Variants in CDKAL1 observed in about 807,000 individuals in gnomAD.
The protein encoded by CDKAL1 is threonylcarbamoyladenosine tRNA methylthiotransferase.
CDKAL1 carries 32 observed loss-of-function variants against 68.2 expected under a neutral mutation model. That is an observed-to-expected ratio of 0.47 (90% confidence interval 0.35 to 0.63). The LOEUF is 0.63. Ranked by LOEUF, CDKAL1 falls within the 30% of genes least tolerant of loss-of-function variation. The pLI, the probability that CDKAL1 is intolerant of heterozygous loss-of-function variation, is 0.00. For missense variants in CDKAL1, 606 were observed against 696.7 expected (o/e 0.87, Z 1.47); for synonymous variants, 234 against 244.3 (o/e 0.96, Z 0.39).
chr6:20,616,163 A>T (rs971538051), intron 4 of CDKAL1, among the ~76,000 whole-genome samples: 1 of 151,880 alleles, frequency 6.6e-6, no homozygotes, highest in African/African-American at 2.4e-5. Flanking sequence ...TACTAGTACC[A>T]TGCTGTTTTG....
At chr6:21,047,491 C>T (rs75955957) in intron 11 of CDKAL1, among the ~76,000 whole-genome samples, 6,351 of 152,208 alleles carry the variant, frequency 0.042, 207 homozygotes, top group East Asian at 0.15. Context: ...GTGAATAAAG[C>T]CTATTGCTTT....
At chr6:20,847,959 AC>A (rs1778436814) in intron 9 of CDKAL1, among the ~76,000 whole-genome samples, 1 of 152,108 alleles carries the variant, frequency 6.6e-6, no homozygotes, top group East Asian at 1.9e-4. Context: ...AGATCCAAAT[AC>A]CCCCTAGATG....
chr6:20,723,507 A>G (rs1246426146), intron 5 of CDKAL1: 1 of 155,040 alleles, frequency 6.4e-6, no homozygotes, highest in Non-Finnish European at 1.4e-5. Context: ...TGGCAGGCCG[A>G]GTAGAGGGGG....
intron 15 of CDKAL1, among the ~76,000 whole-genome samples, chr6:21,209,942 A>G (rs540338079): frequency 6.6e-6 from 1 of 152,338 alleles, no homozygotes; most frequent in African/African-American, 2.4e-5. Flanking sequence ...CTTTTCACTC[A>G]GTCAACAATT....
intron 8 of CDKAL1, among the ~76,000 whole-genome samples, chr6:20,807,938 T>C (rs1027014857): frequency 6.6e-6 from 1 of 152,206 alleles, no homozygotes; most frequent in Non-Finnish European, 1.5e-5. Flanking sequence ...CTAATCTTCA[T>C]TGGGATTGAT....
At chr6:21,197,917 C>T (rs775611429) in intron 13 of CDKAL1, 104 bp from the exon 14 acceptor site, 13 of 573,220 alleles carry the variant, frequency 2.3e-5, no homozygotes, top group South Asian at 3.1e-5. Context: ...TTCAAGAAGA[C>T]GCTACTTGGT....
chr6:20,857,899 G>A (rs56091419), intron 9 of CDKAL1, among the ~76,000 whole-genome samples: 28,467 of 152,024 alleles, frequency 0.19, 2,851 homozygotes, highest in East Asian at 0.34. Flanking sequence ...TCGCTCTGTC[G>A]CCCAGGCTGG....
At chr6:20,662,628 T>A (rs531798543) in intron 5 of CDKAL1, among the ~76,000 whole-genome samples, 1 of 152,270 alleles carries the variant, frequency 6.6e-6, no homozygotes, top group South Asian at 2.1e-4. Flanking sequence ...TCAGAGTTCC[T>A]TAGGGGCAGC....
chr6:20,809,704 A>G (rs892776166), intron 8 of CDKAL1, among the ~76,000 whole-genome samples: 6 of 152,242 alleles, frequency 3.9e-5, no homozygotes, highest in African/African-American at 1.4e-4. Context: ...CAATTGAAGA[A>G]TAAGTAAACG....
chr6:20,738,758 C>G (rs1471232910), intron 5 of CDKAL1, among the ~76,000 whole-genome samples: 2 of 152,192 alleles, frequency 1.3e-5, no homozygotes, highest in African/African-American at 4.8e-5. Context: ...CTTGGCCTCC[C>G]AAAGTGTTGG....
At chr6:20,992,819 T>G (rs563838338) in intron 10 of CDKAL1, among the ~76,000 whole-genome samples, 1 of 151,852 alleles carries the variant, frequency 6.6e-6, no homozygotes, top group East Asian at 1.9e-4. Context: ...GGAGGATCAC[T>G]TGAGGTGAGG....
chr6:20,852,035 G>A lies in CDKAL1; in HGVS notation c.742+5857G>A, dbSNP rs964665462. Among the ~76,000 whole-genome samples, 7 of 152,092 alleles carry A rather than the reference G, an allele frequency of 4.6e-5. No individual in the cohort carries two copies. The South Asian group carries it at 6.2e-4, about 14-fold the overall frequency. ...TTAATTCCTTTATCTTTTCATATGT[G>A]CTGTATTCAATTGAGAAATGCATGT... On this transcript the variant is annotated intron_variant, in intron 9 of 15. Coordinates refer to ENST00000274695, the MANE Select transcript of CDKAL1 (RefSeq NM_017774.3).
intron 10 of CDKAL1, among the ~76,000 whole-genome samples, chr6:20,957,361 G>A (rs1311314427): frequency 6.6e-6 from 1 of 152,194 alleles, no homozygotes; most frequent in Non-Finnish European, 1.5e-5. Context: ...AGCTAATACT[G>A]TGTGTATAGC....
chr6:20,777,041 G>A (rs544762362), intron 7 of CDKAL1, among the ~76,000 whole-genome samples: 20 of 152,304 alleles, frequency 1.3e-4, no homozygotes, highest in African/African-American at 4.8e-4. Context: ...TTTGGTGCAA[G>A]CAATGGACAG....
At chr6:21,146,000 T>A (rs1776148233) in intron 13 of CDKAL1, among the ~76,000 whole-genome samples, 1 of 152,232 alleles carries the variant, frequency 6.6e-6, no homozygotes, top group African/African-American at 2.4e-5. Context: ...AAGGTTCTAG[T>A]GGACTAGAAT....
intron 8 of CDKAL1, among the ~76,000 whole-genome samples, chr6:20,783,831 A>G (rs1405342515): frequency 6.6e-6 from 1 of 152,196 alleles, no homozygotes; most frequent in Non-Finnish European, 1.5e-5. Flanking sequence ...GTACAAAGTG[A>G]GTACAATTGT....
At chr6:20,717,955 C>G (rs1194917466) in intron 5 of CDKAL1, among the ~76,000 whole-genome samples, 2 of 152,148 alleles carry the variant, frequency 1.3e-5, no homozygotes, top group South Asian at 2.1e-4. Context: ...GCCTCCAGGT[C>G]TTGAGAGTTG....
intron 9 of CDKAL1, among the ~76,000 whole-genome samples, chr6:20,865,292 A>G (rs777401985): frequency 5.9e-5 from 9 of 152,160 alleles, no homozygotes; most frequent in Admixed American, 2.6e-4. Flanking sequence ...TATAGGTGCA[A>G]TTTAGTTTAT....
At chr6:20,744,669 A>G (rs887460712) in intron 6 of CDKAL1, among the ~76,000 whole-genome samples, 3 of 152,102 alleles carry the variant, frequency 2.0e-5, no homozygotes, top group African/African-American at 7.2e-5. Context: ...TGTGTTAGGG[A>G]GAGATGAGTG....
Sources: allele counts gnomAD v4.1 joint callset (sites outside exome capture counted in the v4.1 genomes callset), GRCh38; gene constraint gnomAD v4.1.1; transcripts MANE v1.5; gene names NCBI Gene and HGNC (gene_info 2026-07-23, HGNC 2026-07-21).